TP53BP2: variants seen among roughly 807,000 people sequenced by gnomAD.
TP53BP2 encodes the protein tumor protein p53 binding protein 2.
A neutral mutation model predicts 126.2 loss-of-function variants in TP53BP2; 62 were observed. The observed-to-expected ratio is 0.49, with a 90% CI of 0.40 to 0.61. TP53BP2 has a LOEUF of 0.61. Ranked by LOEUF, TP53BP2 falls within the 20% of genes least tolerant of loss-of-function variation. The pLI is 0.00. For synonymous variants in TP53BP2, 485 were observed against 502.9 expected, an observed-to-expected ratio of 0.96 and a Z score of 0.48; for missense variants, 1,215 against 1,402.8, an observed-to-expected ratio of 0.87 and a Z score of 2.14.
chr1:223,804,200 T>A lies in TP53BP2; in HGVS notation c.623A>T (p.Gln208Leu), dbSNP rs1242086957. 6.2e-7 allele frequency: 1 copy of A among 1,613,174 alleles called. No homozygotes were observed. Among genetic ancestry groups the A allele is most frequent in the Non-Finnish European group, 8.5e-7 (1 of 1,179,872 alleles). The change falls in exon 6 of 18, where the codon CAG becomes CTG. Residue 208 changes from glutamine (Q) to leucine (L), a missense_variant. Gln to Leu is a moderately radical substitution (Grantham distance 113). Transcript: ENST00000343537. ...KVRALKGHVE[Q>L]KRLSNGKLVE... Reference sequence around the variant, plus strand: ...AAGTTTCCCATTGCTTAGTCTCTTCTGTTCCACGTGGCCTTTAAGTGCTCT... The same window carrying A: ...AAGTTTCCCATTGCTTAGTCTCTTCAGTTCCACGTGGCCTTTAAGTGCTCT...
chr1:223,808,643 C>CAAAAG (rs1662806897), intron 4 of TP53BP2, among the ~76,000 whole-genome samples: 1 of 146,356 alleles, frequency 6.8e-6, no homozygotes, highest in Non-Finnish European at 1.5e-5. Context: ...ACAAAACTTC[C>CAAAAG]AAAAGAAAAC....
intron 16 of TP53BP2, among the ~76,000 whole-genome samples, chr1:223,786,761 C>T (rs1352969759): frequency 6.6e-6 from 1 of 151,942 alleles, no homozygotes; most frequent in Non-Finnish European, 1.5e-5. Context: ...CGCCCACCAC[C>T]ACGCCTGTCT....
intron 4 of TP53BP2, among the ~76,000 whole-genome samples, chr1:223,810,165 A>G (rs78935623): frequency 9.8e-4 from 149 of 152,332 alleles, no homozygotes; most frequent in African/African-American, 3.4e-3. Flanking sequence ...GCAACAAATA[A>G]AATCACCAAA....
chr1:223,798,220 G>A lies in TP53BP2; in HGVS notation c.1943C>T (p.Ser648Leu), dbSNP rs747564659. The change falls in exon 12 of 18, where the codon TCA (serine) becomes TTA (leucine). Residue 648 changes from serine (S) to leucine (L), a missense_variant. Physicochemically the swap from Ser to Leu is moderately radical, Grantham distance 145. Coordinates refer to ENST00000343537, the MANE Select transcript of TP53BP2 (RefSeq NM_001031685.3). ...ATGAACGTTAAGAACCTTACCACTT[G>A]AAAAGTGTGGCCCTCTGGTATGAGT... ...TKTHTRGPHF[S>L]SVYGKPVIAA... The A allele has an allele frequency of 6.2e-7, 1 of 1,611,824 alleles. No homozygotes were observed. The highest frequency in any genetic ancestry group is 1.1e-5 in the South Asian group (1 of 90,942).
At chr1:223,793,891 G>A (rs1425839434) in intron 13 of TP53BP2, among the ~76,000 whole-genome samples, 1 of 152,080 alleles carries the variant, frequency 6.6e-6, no homozygotes. Context: ...AACCTATATT[G>A]AATGATTATT....
chr1:223,799,311 T>C (rs947290134), intron 11 of TP53BP2, among the ~76,000 whole-genome samples: 2 of 152,198 alleles, frequency 1.3e-5, no homozygotes, highest in African/African-American at 4.8e-5. Context: ...CATTTAATAA[T>C]GGTTTTCATT....
intron 2 of TP53BP2, chr1:223,820,937 T>G: frequency 4.5e-6 from 2 of 442,444 alleles, no homozygotes; most frequent in East Asian, 8.6e-5. Context: ...AAGTAAAGCT[T>G]ACACATACAA....
chr1:223,789,181 A>G lies in TP53BP2; in HGVS notation c.2997-7T>C. On this transcript the variant is annotated splice_region_variant and splice_polypyrimidine_tract_variant and intron_variant, in intron 15 of 17. Coordinates refer to ENST00000343537, the MANE Select transcript of TP53BP2 (RefSeq NM_001031685.3). Reference sequence around the variant, plus strand: ...AGCACAATGTAATGGAGTCCTGTGAAGCAAGATACGAGGGCTAGAACTGTT... The same window carrying G: ...AGCACAATGTAATGGAGTCCTGTGAGGCAAGATACGAGGGCTAGAACTGTT... 1 of 1,614,074 alleles carries G rather than the reference A, an allele frequency of 6.2e-7. No homozygotes were observed.
intron 1 of TP53BP2, among the ~76,000 whole-genome samples, chr1:223,838,827 G>C (rs975523866): frequency 6.6e-6 from 1 of 152,178 alleles, no homozygotes; most frequent in Non-Finnish European, 1.5e-5. Flanking sequence ...TTTCCCTGCA[G>C]ATGTGGAAGA....
At chr1:223,798,052 T>C (rs1662393083) in intron 12 of TP53BP2, among the ~76,000 whole-genome samples, 163 bp downstream of exon 12, 1 of 152,108 alleles carries the variant, frequency 6.6e-6, no homozygotes, top group Non-Finnish European at 1.5e-5. Context: ...GAGCAGACAT[T>C]TAGCAAGCAC....
chr1:223,843,411 C>T (rs556838547), intron 1 of TP53BP2, among the ~76,000 whole-genome samples: 19 of 152,176 alleles, frequency 1.2e-4, no homozygotes, highest in African/African-American at 3.4e-4. Context: ...CCTCGTGATC[C>T]GCCCGCCTCG....
At chr1:223,783,519 A>G (rs928935323) in intron 17 of TP53BP2, among the ~76,000 whole-genome samples, 23 of 152,192 alleles carry the variant, frequency 1.5e-4, no homozygotes, top group African/African-American at 1.9e-4. Flanking sequence ...CACAACTGCT[A>G]TAAGAGAACA....
chr1:223,821,510 G>A, intron 1 of TP53BP2, 143 bp from the exon 2 acceptor site: 1 of 1,139,378 alleles, frequency 8.8e-7, no homozygotes, highest in Non-Finnish European at 1.3e-6. Context: ...GGCCAAAGGT[G>A]AGGTGTGGAC....
chr1:223,794,461 G>A lies in TP53BP2; in HGVS notation c.2725-1021C>T, dbSNP rs115710812. ...CCGATCCCACTGTTAAAGAATGTAC[G>A]AGATAGTTGCTTCTATTTTACTTAA... On this transcript the variant is annotated intron_variant, in intron 13 of 17. Transcript: ENST00000343537. Among the ~76,000 whole-genome samples the A allele has an allele frequency of 3.9e-3, 596 of 152,314 alleles. 5 individuals are homozygous for A. The highest frequency in any genetic ancestry group is 0.013 in the African/African-American group (536 of 41,562).
chr1:223,842,921 G>A (rs1352078241), intron 1 of TP53BP2, among the ~76,000 whole-genome samples: 1 of 152,178 alleles, frequency 6.6e-6, no homozygotes, highest in Non-Finnish European at 1.5e-5. Flanking sequence ...TCGGCAAGTT[G>A]TGGAAATATC....
chr1:223,820,274 G>A (rs928751327), intron 2 of TP53BP2, among the ~76,000 whole-genome samples: 2 of 152,192 alleles, frequency 1.3e-5, no homozygotes, highest in Admixed American at 6.5e-5. Context: ...TAAGAGCAAA[G>A]ACAAAGAATC....
Position 223,803,283 on chromosome 1 carries a change from A to T in TP53BP2, c.819T>A (p.Tyr273Ter). The change falls in exon 7 of 18, where the codon TAT (tyrosine) becomes TAA (stop). Residue 273 changes from tyrosine (Y) to a stop codon, truncating the protein, a stop_gained. Coordinates refer to ENST00000343537, the MANE Select transcript of TP53BP2 (RefSeq NM_001031685.3). LOFTEE classifies it high-confidence loss of function. The stretch of plus-strand genomic sequence containing the variant: ...AGCTACGGTCTACCTGCAGCTCCTT[A>T]TAGAGGCGATCAAGCTCAGCCACTG... The part of the protein sequence containing the change: ...QSAVAELDRL[Y>*]KELQLRNKLN... The T allele has an allele frequency of 6.2e-7, 1 of 1,611,684 alleles. No individual in the cohort carries two copies. The highest frequency in any genetic ancestry group is 8.5e-7 in the Non-Finnish European group (1 of 1,179,356).
intron 10 of TP53BP2, 115 bp downstream of exon 10, chr1:223,800,585 T>TAA: frequency 1.4e-6 from 1 of 735,520 alleles, no homozygotes; most frequent in Admixed American, 3.6e-5. Flanking sequence ...ATCCTGTCTT[T>TAA]AAAAAAAACA....
chr1:223,819,138 C>A (rs540044612), intron 2 of TP53BP2, among the ~76,000 whole-genome samples: 96 of 150,042 alleles, frequency 6.4e-4, no homozygotes, highest in African/African-American at 2.3e-3. Flanking sequence ...GAGCCGAGAT[C>A]GCGCCATTGC....
Sources: allele counts gnomAD v4.1 joint callset (sites outside exome capture counted in the v4.1 genomes callset), GRCh38; gene constraint gnomAD v4.1.1; transcripts MANE v1.5; gene names NCBI Gene and HGNC (gene_info 2026-07-23, HGNC 2026-07-21).